The following CAMTA1 variants were observed in gnomAD, a reference collection of about 807,000 sequenced individuals.
The protein encoded by CAMTA1 is calmodulin-binding transcription activator 1.
CAMTA1 carries 27 observed loss-of-function variants against 170.9 expected under a neutral mutation model. The ratio of observed to expected loss-of-function variants is 0.16; its 90% CI spans 0.12 to 0.22. CAMTA1 has a LOEUF of 0.22. Ranked by LOEUF, CAMTA1 falls within the 10% of genes least tolerant of loss-of-function variation. CAMTA1 has a pLI of 1.00. For synonymous variants in CAMTA1, 833 were observed against 891.5 expected (o/e 0.93, Z 1.17); for missense variants, 1,619 against 2,217.2 (o/e 0.73, Z 5.42).
At chr1:7,593,100 G>A (rs538130104) in intron 6 of CAMTA1, among the ~76,000 whole-genome samples, 39 of 152,322 alleles carry the variant, frequency 2.6e-4, no homozygotes, top group Non-Finnish European at 4.6e-4. Context: ...CCACTCTGGG[G>A]CAGTGATTTC....
At chr1:7,126,197 G>A (rs1644923840) in intron 4 of CAMTA1, among the ~76,000 whole-genome samples, 1 of 152,164 alleles carries the variant, frequency 6.6e-6, no homozygotes, top group Non-Finnish European at 1.5e-5. Context: ...ACTGGGGAAT[G>A]ATGGGAACTA....
intron 1 of CAMTA1, among the ~76,000 whole-genome samples, chr1:6,788,605 A>T (rs181472348): frequency 6.6e-6 from 1 of 152,190 alleles, no homozygotes; most frequent in Admixed American, 6.5e-5. Context: ...CTTCGGAAAA[A>T]CGAAGAGTCG....
chr1:6,933,246 T>G (rs1684725654), intron 3 of CAMTA1, among the ~76,000 whole-genome samples: 2 of 152,108 alleles, frequency 1.3e-5, no homozygotes, highest in South Asian at 4.1e-4. Context: ...CTTTAGCTAA[T>G]GCAAAGTCAC....
chr1:7,641,187 G>A lies in CAMTA1; in HGVS notation c.664+634G>A, dbSNP rs540633567. Among the ~76,000 whole-genome samples the A allele has an allele frequency of 6.6e-6, 1 of 152,360 alleles. No individual in the cohort carries two copies. The highest frequency in any genetic ancestry group is 2.4e-5 in the African/African-American group (1 of 41,592). ...CCACAGCTCCCGGCAGCCGCTGGCGGCTCTCAGTGGCTTCTCCTGCCCCCT... is the reference window on the plus strand; with the variant it reads ...CCACAGCTCCCGGCAGCCGCTGGCGACTCTCAGTGGCTTCTCCTGCCCCCT... On this transcript the variant is annotated intron_variant, in intron 7 of 22. Transcript: ENST00000303635. The surrounding 1 kb of genome is among the most constrained non-coding windows in gnomAD (Gnocchi z 4.5).
chr1:7,093,481 A>C lies in CAMTA1; in HGVS notation c.302+2110A>C, dbSNP rs1641719269. Among the ~76,000 whole-genome samples, 1 of 152,084 alleles carries C rather than the reference A, an allele frequency of 6.6e-6. No individual in the cohort carries two copies. The highest frequency in any genetic ancestry group is 2.4e-5 in the African/African-American group (1 of 41,422). On this transcript the variant is annotated intron_variant, in intron 4 of 22. Coordinates refer to ENST00000303635, the MANE Select transcript of CAMTA1 (RefSeq NM_015215.4). The surrounding 1 kb of genome is among the most constrained non-coding windows in gnomAD (Gnocchi z 4.6). ...CCTTGAATCTAAGTGGAAAGAGAAG[A>C]GCTCCTCCTTAGCCAGAGAGGGAGC...
At chr1:7,240,138 T>C (rs1224081672) in intron 4 of CAMTA1, among the ~76,000 whole-genome samples, 5 of 152,148 alleles carry the variant, frequency 3.3e-5, no homozygotes, top group Admixed American at 3.3e-4. Context: ...CCATTGATGA[T>C]CCATGCCCAG....
rs1474652485 is a variant in CAMTA1, at chr1:7,136,089, C to G, written c.302+44718C>G. On this transcript the variant is annotated intron_variant, in intron 4 of 22. Coordinates refer to ENST00000303635, the MANE Select transcript of CAMTA1 (RefSeq NM_015215.4). ...TATTTTAAATGTATGATCCCTACCCCAGGCCCTGGTGCTATAAGATTCCAC... is the reference window on the plus strand; with the variant it reads ...TATTTTAAATGTATGATCCCTACCCGAGGCCCTGGTGCTATAAGATTCCAC... Among the ~76,000 whole-genome samples, 7 of 151,540 alleles carry G rather than the reference C, an allele frequency of 4.6e-5. No homozygotes were observed. In the East Asian group the frequency reaches 1.3e-3, roughly 29 times the overall value.
rs1691300625 is a variant in CAMTA1 at position 6,965,177 on chromosome 1, A to AGT, written c.235-126123_235-126122dup. Among the ~76,000 whole-genome samples, 2 of 152,012 alleles carry AGT rather than the reference A, an allele frequency of 1.3e-5. No individual in the cohort carries two copies. The highest frequency in any genetic ancestry group is 2.9e-5 in the Non-Finnish European group (2 of 67,992). ...GAAAGCCACTTCGGGAAAAGTAGTG[A>AGT]GTGTGGTATGAGCATGAGTGTGTGT... On this transcript the variant is annotated intron_variant, in intron 3 of 22. Coordinates refer to ENST00000303635, the MANE Select transcript of CAMTA1 (RefSeq NM_015215.4). The surrounding 1 kb of genome is among the most constrained non-coding windows in gnomAD (Gnocchi z 4.1).
At chr1:6,926,414 T>TTTTCTCTTTC (rs1557837163) in intron 3 of CAMTA1, among the ~76,000 whole-genome samples, 3 of 141,468 alleles carry the variant, frequency 2.1e-5, no homozygotes, top group African/African-American at 7.9e-5. Flanking sequence ...CTCCTCTCTC[T>TTTTCTCTTTC]TTTCTTTTCT....
chr1:6,863,007 C>T (rs1665322565), intron 3 of CAMTA1, among the ~76,000 whole-genome samples: 1 of 152,082 alleles, frequency 6.6e-6, no homozygotes, highest in Non-Finnish European at 1.5e-5. Flanking sequence ...ATAAACTTTC[C>T]CCCAGCTTTG....
chr1:7,203,056 G>A (rs1657002167), intron 4 of CAMTA1, among the ~76,000 whole-genome samples: 2 of 152,186 alleles, frequency 1.3e-5, no homozygotes, highest in South Asian at 2.1e-4. Context: ...CTTCTAGTTG[G>A]GTGTTTAGGC....
rs139762024 is a variant in CAMTA1 at position 7,166,999 on chromosome 1, T to C, written c.302+75628T>C. On this transcript the variant is annotated intron_variant, in intron 4 of 22. Coordinates refer to ENST00000303635, the MANE Select transcript of CAMTA1 (RefSeq NM_015215.4). ...CTAATTTTTGTATTTTTAGTAGAGA[T>C]GGGGTTTCACCATGTTGGCCAGACT... Among the ~76,000 whole-genome samples, 274 of 152,028 alleles carry C rather than the reference T, an allele frequency of 1.8e-3. 2 individuals carry two copies. The East Asian group carries it at 0.019, about 11-fold the overall frequency.
intron 5 of CAMTA1, among the ~76,000 whole-genome samples, chr1:7,324,806 C>CAAA (rs35937100): frequency 3.1e-5 from 4 of 128,486 alleles, no homozygotes; most frequent in Non-Finnish European, 3.3e-5. Context: ...GACTCCATCT[C>CAAA]AAAAAAAAAA....
intron 6 of CAMTA1, among the ~76,000 whole-genome samples, chr1:7,529,387 C>T (rs185919891): frequency 1.1e-3 from 161 of 152,206 alleles, no homozygotes; most frequent in African/African-American, 3.7e-3. Context: ...GAATCTGGCC[C>T]CAGTAATGAC....
chr1:7,434,747 A>G (rs1009966141), intron 5 of CAMTA1, among the ~76,000 whole-genome samples: 2 of 151,976 alleles, frequency 1.3e-5, no homozygotes, highest in East Asian at 3.9e-4. Flanking sequence ...GGTGGACAGT[A>G]GTGGGGAGGG....
chr1:7,227,917 AGGCGGGAGCCCCAGGCT>A (rs898217359), intron 4 of CAMTA1, among the ~76,000 whole-genome samples: 16 of 146,664 alleles, frequency 1.1e-4, no homozygotes, highest in African/African-American at 4.1e-4. Flanking sequence ...AGAAGGGCCA[AGGCGGGAGCCCCAGGCT>A]GGCAGCGCTT....
chr1:6,785,510 C>T lies in CAMTA1; in HGVS notation c.-21C>T. On this transcript the variant is annotated 5_prime_UTR_variant, in exon 1 of 23. Transcript: ENST00000303635. ...CGGTACGAGGCGCGCGCTCGGGGTC[C>T]CGGTCGCGAGGAGGAGGAGGATGTG... The T allele has an allele frequency of 9.6e-7, 1 of 1,043,358 alleles. No homozygotes were observed. Among genetic ancestry groups the T allele is most frequent in the South Asian group, 3.6e-5 (1 of 27,574 alleles). 64.6% of individuals were successfully genotyped at this position (1,043,358 alleles called of 1,614,324 possible). A position where few individuals can be genotyped will look rare whatever the true frequency, so the allele number is the denominator to read the frequency against.
chr1:7,725,407 G>A (rs192304317), intron 11 of CAMTA1, among the ~76,000 whole-genome samples: 2 of 152,306 alleles, frequency 1.3e-5, no homozygotes, highest in East Asian at 1.9e-4. Flanking sequence ...CAGGTGGCTG[G>A]GTTTTAAATC....
At chr1:6,805,269 A>G (rs1644383419) in intron 1 of CAMTA1, among the ~76,000 whole-genome samples, 1 of 152,134 alleles carries the variant, frequency 6.6e-6, no homozygotes, top group African/African-American at 2.4e-5. Context: ...GCATTTCCCT[A>G]GTGACTAATG....
Sources: gnomAD v4.1 joint callset for allele counts (sites outside exome capture counted in the v4.1 genomes callset) on GRCh38, gnomAD v4.1.1 for gene constraint, Gnocchi (gnomAD v3.1) non-coding constraint, MANE v1.5 for transcripts, NCBI Gene and HGNC (gene_info 2026-07-23, HGNC 2026-07-21) for gene names.